Variants in HSD17B12 observed in about 807,000 individuals in gnomAD.
The protein encoded by HSD17B12 is hydroxysteroid 17-beta dehydrogenase 12.
Under a neutral mutation model 39.3 loss-of-function variants are expected in HSD17B12, and 32 were observed. That is an observed-to-expected ratio of 0.81 (90% CI 0.61 to 1.09). HSD17B12 has a LOEUF of 1.09. Ranked by LOEUF, HSD17B12 falls within the 50% of genes least tolerant of loss-of-function variation. HSD17B12 has a pLI of 0.00. For synonymous variants in HSD17B12, 150 were observed against 146.7 expected, an observed-to-expected ratio of 1.02 and a Z score of -0.16; for missense variants, 342 against 382.9, an observed-to-expected ratio of 0.89 and a Z score of 0.89.
At chr11:43,631,605 CTCTGTCTCTCTCTCTCTG>C in the HSD17B12 span, among the ~76,000 whole-genome samples, 2 of 129,042 alleles carry the variant, frequency 1.5e-5, no homozygotes, top group South Asian at 2.6e-4. Context: ...CTCTCTCTCT[CTCTGTCTCTCTCTCTCTG>C]TCTGTCTGTC....
At chr11:43,613,126 G>A in the HSD17B12 span, among the ~76,000 whole-genome samples, 9 of 152,062 alleles carry the variant, frequency 5.9e-5, no homozygotes, top group African/African-American at 1.7e-4. Context: ...ATTCTTGGCC[G>A]GGCACAGTGG....
chr11:43,695,960 G>C (rs991604361), intron 1 of HSD17B12, among the ~76,000 whole-genome samples: 10 of 152,068 alleles, frequency 6.6e-5, no homozygotes, highest in African/African-American at 2.4e-4. Context: ...ATTAAGCCTA[G>C]TACCCATTAT....
the HSD17B12 span, among the ~76,000 whole-genome samples, chr11:43,647,642 C>A: frequency 6.6e-6 from 1 of 152,032 alleles, no homozygotes; most frequent in Non-Finnish European, 1.5e-5. Flanking sequence ...TATAAAACAA[C>A]AAAATCACCC....
chr11:43,596,826 T>G, the HSD17B12 span, among the ~76,000 whole-genome samples: 1 of 152,186 alleles, frequency 6.6e-6, no homozygotes, highest in Non-Finnish European at 1.5e-5. Flanking sequence ...GTCTGACTCA[T>G]TTTTTCATTT....
chr11:43,761,979 G>A (rs1437452384), intron 3 of HSD17B12, among the ~76,000 whole-genome samples: 4 of 152,146 alleles, frequency 2.6e-5, no homozygotes, highest in Non-Finnish European at 4.4e-5. Context: ...GAACATATGG[G>A]ATAGAAGATA....
At chr11:43,790,981 C>T (rs961417103) in intron 3 of HSD17B12, among the ~76,000 whole-genome samples, 2 of 151,754 alleles carry the variant, frequency 1.3e-5, no homozygotes, top group Admixed American at 6.6e-5. Flanking sequence ...GCAACAAAAG[C>T]GGAACTCCAT....
intron 3 of HSD17B12, among the ~76,000 whole-genome samples, chr11:43,790,339 A>G (rs1036301505): frequency 6.6e-6 from 1 of 152,184 alleles, no homozygotes; most frequent in Non-Finnish European, 1.5e-5. Context: ...AGCTGATGCA[A>G]GGAGGTAAGA....
At chr11:43,813,760 A>T (rs1951094635) in intron 4 of HSD17B12, among the ~76,000 whole-genome samples, 1 of 152,158 alleles carries the variant, frequency 6.6e-6, no homozygotes, top group Non-Finnish European at 1.5e-5. Context: ...TAAAATAAAA[A>T]TGGATCTGGA....
chr11:43,777,190 C>CAAGGCAA lies in HSD17B12; in HGVS notation c.284-21130_284-21129insAAGGCAA, dbSNP rs530096807. On this transcript the variant is annotated intron_variant, in intron 3 of 10. Transcript: ENST00000278353. ...GGATGGCATTGAATCTGTAAATTGC[C>CAAGGCAA]TTGGGCAGTATGGCCATTTTCACGA... 7.2e-3 allele frequency among the ~76,000 whole-genome samples: 1,103 copies of CAAGGCAA among 152,260 alleles called. 15 individuals are homozygous for CAAGGCAA. Among genetic ancestry groups the CAAGGCAA allele is most frequent in the African/African-American group, 0.025 (1,035 of 41,542 alleles).
At chr11:43,810,793 T>C (rs545555197) in intron 4 of HSD17B12, among the ~76,000 whole-genome samples, 1 of 152,222 alleles carries the variant, frequency 6.6e-6, no homozygotes, top group South Asian at 2.1e-4. Flanking sequence ...AGAGACATCA[T>C]GTGTTGTTAC....
intron 3 of HSD17B12, among the ~76,000 whole-genome samples, chr11:43,793,669 T>C (rs539173240): frequency 3.9e-5 from 6 of 152,276 alleles, no homozygotes; most frequent in South Asian, 4.1e-4. Context: ...AGTTTTAATA[T>C]TGAGAGGTGT....
chr11:43,632,419 T>C, the HSD17B12 span, among the ~76,000 whole-genome samples: 2 of 152,220 alleles, frequency 1.3e-5, no homozygotes, highest in Non-Finnish European at 2.9e-5. Context: ...TGGAACTATT[T>C]AACCTGTGAA....
At chr11:43,835,195 C>A (rs1197322471) in intron 7 of HSD17B12, among the ~76,000 whole-genome samples, 1 of 152,062 alleles carries the variant, frequency 6.6e-6, no homozygotes, top group Non-Finnish European at 1.5e-5. Flanking sequence ...TTTCTGTGTG[C>A]AATTAAGCGC....
At chr11:43,735,586 A>T (rs887362149) in intron 1 of HSD17B12, among the ~76,000 whole-genome samples, 5 of 152,246 alleles carry the variant, frequency 3.3e-5, no homozygotes, top group African/African-American at 9.6e-5. Flanking sequence ...CCAATTTTAA[A>T]ATTGGATCAT....
intron 4 of HSD17B12, among the ~76,000 whole-genome samples, chr11:43,808,180 G>T (rs1469125437): frequency 1.3e-5 from 2 of 152,192 alleles, no homozygotes; most frequent in African/African-American, 4.8e-5. Flanking sequence ...AATTCAAGTA[G>T]TTGGGTCGCT....
the HSD17B12 span, among the ~76,000 whole-genome samples, chr11:43,618,563 C>T: frequency 1.3e-5 from 2 of 152,176 alleles, no homozygotes; most frequent in African/African-American, 4.8e-5. Flanking sequence ...TTTTGAGAGT[C>T]ACCCATGGTA....
chr11:43,655,768 A>G, the HSD17B12 span, among the ~76,000 whole-genome samples: 6 of 152,048 alleles, frequency 3.9e-5, no homozygotes, highest in South Asian at 2.1e-4. Context: ...CTTGATCATG[A>G]TGGATAAGCT....
intron 1 of HSD17B12, chr11:43,733,897 G>A: frequency 1.5e-6 from 1 of 685,424 alleles, no homozygotes. Flanking sequence ...TGGAGTACAG[G>A]ACATTGTAGT....
At chr11:43,633,099 A>G in the HSD17B12 span, among the ~76,000 whole-genome samples, 9 of 152,228 alleles carry the variant, frequency 5.9e-5, no homozygotes, top group East Asian at 3.8e-4. Context: ...ACCATCACCC[A>G]TAATGTATGT....
Sources: allele counts gnomAD v4.1 joint callset (sites outside exome capture counted in the v4.1 genomes callset), GRCh38; gene constraint gnomAD v4.1.1; transcripts MANE v1.5; gene names NCBI Gene and HGNC (gene_info 2026-07-23, HGNC 2026-07-21).